Variants in CACNA2D1 observed in about 807,000 individuals in gnomAD.
CACNA2D1 encodes the protein calcium voltage-gated channel auxiliary subunit alpha2delta 1.
CACNA2D1 carries 53 observed loss-of-function variants against 171.5 expected under a neutral mutation model. The ratio of observed to expected loss-of-function variants is 0.31; its 90% CI spans 0.25 to 0.39. The LOEUF is 0.39. Among genes scored for constraint, CACNA2D1 ranks in the 10% least tolerant of loss-of-function variants. CACNA2D1 has a pLI of 1.00. For synonymous variants in CACNA2D1, 442 were observed against 443.1 expected, an observed-to-expected ratio of 1.00 and a Z score of 0.03; for missense variants, 903 against 1,299.8, an observed-to-expected ratio of 0.69 and a Z score of 4.69.
At chr7:82,000,302 G>A (rs1435453689) in intron 18 of CACNA2D1, among the ~76,000 whole-genome samples, 2 of 151,942 alleles carry the variant, frequency 1.3e-5, no homozygotes, top group African/African-American at 4.8e-5. Context: ...AAACTATGTA[G>A]AGGCCTGGTC....
chr7:82,329,332 A>G (rs951187929), intron 3 of CACNA2D1, among the ~76,000 whole-genome samples: 14 of 152,182 alleles, frequency 9.2e-5, no homozygotes, highest in African/African-American at 3.4e-4. Context: ...AGCTTTAATT[A>G]AAGTTACCAG....
intron 2 of CACNA2D1, among the ~76,000 whole-genome samples, chr7:82,341,801 A>G (rs1321812054): frequency 2.0e-5 from 3 of 151,918 alleles, no homozygotes; most frequent in Admixed American, 2.0e-4. Flanking sequence ...TAATCCTAGC[A>G]CTTTGGGAGG....
intron 1 of CACNA2D1, among the ~76,000 whole-genome samples, chr7:82,397,512 A>G (rs979344222): frequency 2.6e-5 from 4 of 152,140 alleles, no homozygotes; most frequent in African/African-American, 9.7e-5. Context: ...CATTTTGCCT[A>G]GAATTGAGCA....
chr7:82,119,142 C>G (rs1209089977), intron 5 of CACNA2D1, among the ~76,000 whole-genome samples: 1 of 152,092 alleles, frequency 6.6e-6, no homozygotes, highest in Non-Finnish European at 1.5e-5. Context: ...CCCTCTGAAA[C>G]AAAGAATTCC....
chr7:82,016,053 G>T (rs995468965), intron 12 of CACNA2D1, among the ~76,000 whole-genome samples: 6 of 152,046 alleles, frequency 3.9e-5, no homozygotes, highest in Non-Finnish European at 7.4e-5. Flanking sequence ...GACAGAAGTT[G>T]GTTTTTTTCT....
intron 7 of CACNA2D1, among the ~76,000 whole-genome samples, chr7:82,079,970 T>A: frequency 6.6e-6 from 1 of 151,888 alleles, no homozygotes; most frequent in East Asian, 1.9e-4. Context: ...TGTCAAAACT[T>A]ATACATATTA....
chr7:82,267,074 T>G lies in CACNA2D1; in HGVS notation c.294+68061A>C, dbSNP rs200720468. Among the ~76,000 whole-genome samples, 34 of 152,296 alleles carry G rather than the reference T, an allele frequency of 2.2e-4. No homozygotes were observed. In the East Asian group the frequency reaches 2.9e-3, roughly 13 times the overall value. ...CAAGCACTTGCCTAGAAGTTTTCAA[T>G]GAATGTGTACAGAATATAGCCTTCT... On this transcript the variant is annotated intron_variant, in intron 3 of 38. Coordinates refer to ENST00000356860, the MANE Select transcript of CACNA2D1 (RefSeq NM_000722.4).
intron 38 of CACNA2D1, among the ~76,000 whole-genome samples, chr7:81,954,333 A>G (rs1460192766): frequency 6.6e-6 from 1 of 151,932 alleles, no homozygotes; most frequent in Non-Finnish European, 1.5e-5. Flanking sequence ...AAAATATGAT[A>G]AAACTAATTT....
rs148041955 is a variant in CACNA2D1 at position 81,957,848 on chromosome 7, G to C, written c.3159+1427C>G. Among the ~76,000 whole-genome samples, 33 of 152,178 alleles carry C rather than the reference G, an allele frequency of 2.2e-4. No individual in the cohort carries two copies. In the East Asian group the frequency reaches 4.8e-3, roughly 22 times the overall value. Reference sequence around the variant, plus strand: ...AATCCTTTTAATGGCTTGATCATAAGATATAGCCTCCTAGAATAATATTTT... The same window carrying C: ...AATCCTTTTAATGGCTTGATCATAACATATAGCCTCCTAGAATAATATTTT... On this transcript the variant is annotated intron_variant, in intron 38 of 38. Transcript: ENST00000356860.
chr7:81,956,169 T>TC (rs1226403223), intron 38 of CACNA2D1, among the ~76,000 whole-genome samples: 26 of 151,492 alleles, frequency 1.7e-4, no homozygotes, highest in Non-Finnish European at 3.4e-4. Context: ...AGATGGGGTT[T>TC]CACCAGGTTG....
At chr7:82,245,641 G>GTC (rs151115597) in intron 3 of CACNA2D1, among the ~76,000 whole-genome samples, 46 of 148,196 alleles carry the variant, frequency 3.1e-4, no homozygotes, top group South Asian at 6.4e-4. Context: ...CACACAAAAT[G>GTC]TCTCTCTCTC....
At chr7:82,054,375 A>C (rs1805556685) in intron 10 of CACNA2D1, among the ~76,000 whole-genome samples, 1 of 152,222 alleles carries the variant, frequency 6.6e-6, no homozygotes, top group Non-Finnish European at 1.5e-5. Flanking sequence ...CAGAGAATTA[A>C]CATTACTTGG....
chr7:82,207,948 A>C (rs1356884825), intron 3 of CACNA2D1, among the ~76,000 whole-genome samples: 1 of 152,214 alleles, frequency 6.6e-6, no homozygotes, highest in South Asian at 2.1e-4. Flanking sequence ...TGAAGTTGAA[A>C]GATCATTGCT....
At chr7:82,127,386 C>T (rs529794152) in intron 5 of CACNA2D1, among the ~76,000 whole-genome samples, 39 of 152,334 alleles carry the variant, frequency 2.6e-4, no homozygotes, top group African/African-American at 8.7e-4. Flanking sequence ...ATTTCCACCA[C>T]GCTTACAATA....
chr7:82,172,614 G>A (rs1004135376), intron 3 of CACNA2D1, among the ~76,000 whole-genome samples: 19 of 115,982 alleles, frequency 1.6e-4, no homozygotes, highest in African/African-American at 4.4e-4. Flanking sequence ...CAAGAAACCC[G>A]GCTTTTTTTT....
intron 3 of CACNA2D1, among the ~76,000 whole-genome samples, chr7:82,311,364 CA>C (rs1367193063): frequency 6.7e-6 from 1 of 149,786 alleles, no homozygotes; most frequent in Non-Finnish European, 1.5e-5. Flanking sequence ...AACTCCAATA[CA>C]AAAAAAGAAA....
At chr7:82,116,514 A>AGT (rs1481270638) in intron 6 of CACNA2D1, among the ~76,000 whole-genome samples, 1 of 152,208 alleles carries the variant, frequency 6.6e-6, no homozygotes, top group Non-Finnish European at 1.5e-5. Context: ...TTTGGCTGGA[A>AGT]GCCCACAATA....
At chr7:82,305,703 A>G (rs901232366) in intron 3 of CACNA2D1, among the ~76,000 whole-genome samples, 33 of 152,184 alleles carry the variant, frequency 2.2e-4, no homozygotes, top group Admixed American at 5.2e-4. Context: ...ATGCTCATGC[A>G]CATGTGTGCA....
At chr7:81,993,988 TATG>T (rs1335528681) in intron 20 of CACNA2D1, among the ~76,000 whole-genome samples, 1 of 152,042 alleles carries the variant, frequency 6.6e-6, no homozygotes, top group African/African-American at 2.4e-5. Flanking sequence ...AGGGACTCAT[TATG>T]ATATTAAAAT....
Sources: gnomAD v4.1 joint callset for allele counts (sites outside exome capture counted in the v4.1 genomes callset) on GRCh38, gnomAD v4.1.1 for gene constraint, MANE v1.5 for transcripts, NCBI Gene and HGNC (gene_info 2026-07-23, HGNC 2026-07-21) for gene names.